VWA8: variants seen among roughly 807,000 people sequenced by gnomAD.
VWA8 encodes the protein von Willebrand factor A domain-containing protein 8.
In VWA8, 221 loss-of-function variants were observed where a neutral mutation model predicts 241.5. The observed-to-expected ratio is 0.91, with a 90% CI of 0.82 to 1.02. The LOEUF is 1.02. VWA8 is among the 50% of genes least tolerant of loss of function. The pLI, the probability that VWA8 is intolerant of heterozygous loss-of-function variation, is 0.00. For synonymous variants in VWA8, 852 were observed against 827.1 expected (o/e 1.03, Z -0.52); for missense variants, 2,322 against 2,328.7 (o/e 1.00, Z 0.06).
At chr13:41,709,485 T>C (rs2045303057) in intron 26 of VWA8, among the ~76,000 whole-genome samples, 1 of 152,212 alleles carries the variant, frequency 6.6e-6, no homozygotes, top group Non-Finnish European at 1.5e-5. Flanking sequence ...CATGTTGTTC[T>C]CTGATTGAAA....
intron 4 of VWA8, among the ~76,000 whole-genome samples, chr13:41,902,727 A>G (rs1875516031): frequency 6.6e-6 from 1 of 152,226 alleles, no homozygotes; most frequent in Non-Finnish European, 1.5e-5. Flanking sequence ...CTCGCCTTCA[A>G]AGGTAGCAGT....
At chr13:41,869,087 T>C (rs1172805855) in intron 9 of VWA8, among the ~76,000 whole-genome samples, 1 of 152,114 alleles carries the variant, frequency 6.6e-6, no homozygotes, top group African/African-American at 2.4e-5. Context: ...TTTACATTTC[T>C]TGACAATCAA....
intron 2 of VWA8, among the ~76,000 whole-genome samples, chr13:41,931,371 C>A (rs9525554): frequency 1.4e-5 from 2 of 144,982 alleles, no homozygotes; most frequent in East Asian, 2.0e-4. Context: ...GAGTAAAAAA[C>A]ACAGAGATAC....
intron 22 of VWA8, 21 bp from the exon 23 acceptor site, chr13:41,729,698 T>C: frequency 1.3e-6 from 2 of 1,599,656 alleles, no homozygotes; most frequent in Non-Finnish European, 8.5e-7. Flanking sequence ...AGAAAATTTA[T>C]CATAAACAAT....
chr13:41,811,525 T>C (rs1870472299), intron 16 of VWA8, among the ~76,000 whole-genome samples, 185 bp from the exon 17 acceptor site: 1 of 152,186 alleles, frequency 6.6e-6, no homozygotes, highest in Admixed American at 6.5e-5. Context: ...TCCTTGAAGA[T>C]AGTTTTTAAA....
chr13:41,890,873 G>A (rs1874803551), intron 5 of VWA8, among the ~76,000 whole-genome samples: 1 of 152,218 alleles, frequency 6.6e-6, no homozygotes, highest in African/African-American at 2.4e-5. Flanking sequence ...CAGGAAGGAA[G>A]GATGGAAGCA....
intron 1 of VWA8, among the ~76,000 whole-genome samples, chr13:41,959,312 T>C (rs1213460326): frequency 6.6e-6 from 1 of 152,034 alleles, no homozygotes; most frequent in East Asian, 1.9e-4. Context: ...GGTTAGATAG[T>C]GGATAAGTGG....
chr13:41,684,211 C>T (rs1489094990), intron 35 of VWA8, among the ~76,000 whole-genome samples: 1 of 152,024 alleles, frequency 6.6e-6, no homozygotes, highest in African/African-American at 2.4e-5. Flanking sequence ...GAAACTAATT[C>T]CAAATGTTAT....
At chr13:41,871,577 T>G (rs940958767) in intron 9 of VWA8, among the ~76,000 whole-genome samples, 20 of 152,264 alleles carry the variant, frequency 1.3e-4, no homozygotes, top group African/African-American at 4.1e-4. Context: ...GTTCTTGCAA[T>G]AGTTTACTGA....
At chr13:41,691,536 C>T (rs1190400406) in intron 31 of VWA8, 91 bp from the exon 32 acceptor site, 16 of 1,415,024 alleles carry the variant, frequency 1.1e-5, no homozygotes, top group Admixed American at 2.7e-5. Context: ...ATTATGCAAC[C>T]CATAAAAAGA....
At position 41,728,684 on chromosome 13, in the gene VWA8, G is replaced by C. The variant is rs79943131; in HGVS notation, c.2638+858C>G. Reference sequence around the variant, plus strand: ...TTCTAATTTTTCACATAAATTCATTGTGAAACTGAAATATTAGAATGCTTT... The same window carrying C: ...TTCTAATTTTTCACATAAATTCATTCTGAAACTGAAATATTAGAATGCTTT... On this transcript the variant is annotated intron_variant, in intron 23 of 44. Coordinates refer to ENST00000379310, the MANE Select transcript of VWA8 (RefSeq NM_015058.2). Among the ~76,000 whole-genome samples the C allele has an allele frequency of 4.0e-5, 6 of 150,958 alleles. No individual in the cohort carries two copies. In the East Asian group the frequency reaches 1.2e-3, roughly 29 times the overall value.
At chr13:41,867,601 T>G (rs1288700151) in intron 10 of VWA8, among the ~76,000 whole-genome samples, 1 of 152,174 alleles carries the variant, frequency 6.6e-6, no homozygotes, top group Non-Finnish European at 1.5e-5. Context: ...ATACAGTAAA[T>G]AGTACACAGT....
intron 37 of VWA8, among the ~76,000 whole-genome samples, chr13:41,658,785 G>C (rs1318643950): frequency 1.3e-5 from 2 of 152,224 alleles, no homozygotes; most frequent in African/African-American, 2.4e-5. Flanking sequence ...TGGAAGCAGA[G>C]AGCATTGGTG....
chr13:41,633,024 G>A (rs1351923088), intron 37 of VWA8, among the ~76,000 whole-genome samples: 1 of 152,170 alleles, frequency 6.6e-6, no homozygotes, highest in Non-Finnish European at 1.5e-5. Flanking sequence ...CTGTGTGAGG[G>A]AACCTTCCAG....
intron 26 of VWA8, among the ~76,000 whole-genome samples, chr13:41,705,082 C>T (rs956534051): frequency 6.6e-6 from 1 of 152,048 alleles, no homozygotes; most frequent in African/African-American, 2.4e-5. Context: ...GCTTTTCGTC[C>T]CTTTTGAATG....
rs200394812 is a variant in VWA8, at chr13:41,631,976, TCA to T, written c.4612-16894_4612-16893del. Among the ~76,000 whole-genome samples, 74 of 152,304 alleles carry T rather than the reference TCA, an allele frequency of 4.9e-4. 1 individual carries two copies. The East Asian group carries it at 0.014, about 29-fold the overall frequency. On this transcript the variant is annotated intron_variant, in intron 37 of 44. Transcript: ENST00000379310. ...ATGGGTAGGGCAAGCTGTCAGGTCT[TCA>T]CAGAGTCTACCCTTTCTATTTTTGC...
At chr13:41,601,915 T>C (rs1451565660) in intron 40 of VWA8, among the ~76,000 whole-genome samples, 1 of 152,154 alleles carries the variant, frequency 6.6e-6, no homozygotes, top group Non-Finnish European at 1.5e-5. Context: ...TGCTAGTTCC[T>C]GGCCAAACTT....
intron 4 of VWA8, among the ~76,000 whole-genome samples, chr13:41,895,779 T>C (rs1248839896): frequency 9.2e-5 from 14 of 152,032 alleles, no homozygotes; most frequent in Admixed American, 5.9e-4. Flanking sequence ...GTTTTCAAGA[T>C]ATAACAAACT....
In VWA8 at chr13:41,881,371, CCGGGGGG is replaced by C. The variant is rs1220939064; in HGVS notation, c.1080+2009_1080+2015del. Among the ~76,000 whole-genome samples the C allele has an allele frequency of 5.4e-3, 59 of 10,984 alleles. 10 individuals carry two copies. Among genetic ancestry groups the C allele is most frequent in the East Asian group, 0.02 (1 of 50 alleles). 7.2% of individuals were successfully genotyped at this position (10,984 alleles called of 152,430 possible). Reference sequence around the variant, plus strand: ...ACTAGAACATCATAGTTTTTTTTTGCCGGGGGGGGGGGGGGGGGGGTAAGGTCACAGA... The same window carrying C: ...ACTAGAACATCATAGTTTTTTTTTGCGGGGGGGGGGGGGTAAGGTCACAGA... On this transcript the variant is annotated intron_variant, in intron 9 of 44. Coordinates refer to ENST00000379310, the MANE Select transcript of VWA8 (RefSeq NM_015058.2).
Sources: allele counts gnomAD v4.1 joint callset (sites outside exome capture counted in the v4.1 genomes callset), GRCh38; gene constraint gnomAD v4.1.1; transcripts MANE v1.5; gene names NCBI Gene and HGNC (gene_info 2026-07-23, HGNC 2026-07-21).